The following TWSG1 variants were observed in gnomAD, a reference collection of about 807,000 sequenced individuals.
TWSG1 encodes twisted gastrulation protein homolog 1.
TWSG1 carries 15 observed loss-of-function variants against 23.0 expected under a neutral mutation model. That is an observed-to-expected ratio of 0.65 (90% CI 0.44 to 1.00). The LOEUF is 1.00. TWSG1 is among the 50% of genes least tolerant of loss of function. The probability of loss-of-function intolerance (pLI) is 0.00; values close to 1 mark genes in which losing one functional copy is unlikely to be tolerated. For synonymous variants in TWSG1, 86 were observed against 92.8 expected, an observed-to-expected ratio of 0.93 and a Z score of 0.42; for missense variants, 242 against 278.7, an observed-to-expected ratio of 0.87 and a Z score of 0.94.
chr18:9,366,001 G>A (rs911027774), intron 3 of TWSG1, among the ~76,000 whole-genome samples: 1 of 152,034 alleles, frequency 6.6e-6, no homozygotes, highest in African/African-American at 2.4e-5. Flanking sequence ...TCAAGACCCT[G>A]TTTCAAAAAA....
At chr18:9,336,285 G>C (rs919509022) in intron 1 of TWSG1, among the ~76,000 whole-genome samples, 1 of 151,888 alleles carries the variant, frequency 6.6e-6, no homozygotes, top group Non-Finnish European at 1.5e-5. Context: ...CCAGCTACTC[G>C]GGAGGCTGAG....
At chr18:9,396,827 G>A (rs918470910) in intron 4 of TWSG1, 21 of 493,176 alleles carry the variant, frequency 4.3e-5, no homozygotes, top group East Asian at 1.3e-4. Flanking sequence ...TTGGGAGGCC[G>A]AGGCAGGTGG....
intron 3 of TWSG1, among the ~76,000 whole-genome samples, chr18:9,364,645 T>TTAGCC (rs1165989345): frequency 6.6e-6 from 1 of 151,478 alleles, no homozygotes; most frequent in Non-Finnish European, 1.5e-5. Context: ...AATACAAAAA[T>TTAGCC]TAGCCAGGTG....
intron 2 of TWSG1, among the ~76,000 whole-genome samples, chr18:9,357,045 T>C (rs1011201509): frequency 6.7e-6 from 1 of 149,480 alleles, no homozygotes; most frequent in Admixed American, 6.7e-5. Flanking sequence ...ACTCAGAAAA[T>C]GTTCTTTTAC....
intron 2 of TWSG1, among the ~76,000 whole-genome samples, chr18:9,354,197 A>G (rs2040514669): frequency 6.6e-6 from 1 of 152,264 alleles, no homozygotes; most frequent in African/African-American, 2.4e-5. Context: ...ATGAAGTTGT[A>G]TAAATTTCAT....
intron 3 of TWSG1, among the ~76,000 whole-genome samples, chr18:9,391,865 C>T (rs1186372365): frequency 6.6e-6 from 1 of 152,220 alleles, no homozygotes; most frequent in African/African-American, 2.4e-5. Flanking sequence ...TTCATCAGAG[C>T]TCTTGAGTAA....
intron 3 of TWSG1, among the ~76,000 whole-genome samples, chr18:9,378,743 G>C (rs1417029596): frequency 6.6e-6 from 1 of 151,964 alleles, no homozygotes; most frequent in Non-Finnish European, 1.5e-5. Context: ...AGGCCAAGAT[G>C]GGTGGATCAC....
At chr18:9,338,352 A>G (rs1429643707) in intron 2 of TWSG1, among the ~76,000 whole-genome samples, 1 of 152,214 alleles carries the variant, frequency 6.6e-6, no homozygotes, top group Non-Finnish European at 1.5e-5. Flanking sequence ...TTTGCTGTTC[A>G]GTTTTTAACT....
At chr18:9,395,623 A>G (rs4798805) in intron 3 of TWSG1, among the ~76,000 whole-genome samples, 77,369 of 152,090 alleles carry the variant, frequency 0.51, 20,300 homozygotes, top group African/African-American at 0.63. Context: ...CTAGAGTCCA[A>G]TGGTACAGTG....
intron 2 of TWSG1, among the ~76,000 whole-genome samples, chr18:9,338,320 A>G (rs780798732): frequency 8.5e-5 from 13 of 152,204 alleles, no homozygotes; most frequent in Non-Finnish European, 1.8e-4. Flanking sequence ...TTCAAACCAA[A>G]ACATTTAACT....
chr18:9,357,679 T>C (rs62087469), intron 2 of TWSG1, among the ~76,000 whole-genome samples: 4,447 of 152,344 alleles, frequency 0.029, 74 homozygotes, highest in Non-Finnish European at 0.039. Flanking sequence ...TTTGTTGGAA[T>C]GATTTGAAAG....
chr18:9,396,623 G>T, intron 4 of TWSG1, 77 bp downstream of exon 4: 1 of 1,516,276 alleles, frequency 6.6e-7, no homozygotes, highest in Non-Finnish European at 8.8e-7. Flanking sequence ...ACCTATATAA[G>T]ACCATCTTTT....
rs565544241 is a variant in TWSG1, at chr18:9,389,267, C to T, written c.224-7013C>T. 3.4e-4 allele frequency among the ~76,000 whole-genome samples: 52 copies of T among 152,276 alleles called. 1 individual carries two copies. In the South Asian group the frequency reaches 0.01, roughly 30 times the overall value. The stretch of plus-strand genomic sequence containing the variant: ...CTGAGATTACAGGTGTGAACCACTG[C>T]ACCCGGCCACTAATTTTTATTTATA... On this transcript the variant is annotated intron_variant, in intron 3 of 4. Coordinates refer to ENST00000262120, the MANE Select transcript of TWSG1 (RefSeq NM_020648.6).
chr18:9,383,201 T>G (rs80244759), intron 3 of TWSG1, among the ~76,000 whole-genome samples: 143 of 145,144 alleles, frequency 9.9e-4, no homozygotes, highest in Non-Finnish European at 1.5e-3. Context: ...TTTGTTTTTT[T>G]TTTTTTTTTT....
intron 3 of TWSG1, among the ~76,000 whole-genome samples, chr18:9,374,608 A>G (rs1238581552): frequency 1.3e-5 from 2 of 152,236 alleles, no homozygotes; most frequent in Admixed American, 1.3e-4. Context: ...ATTTAAGGAA[A>G]AAATACTAAG....
chr18:9,396,162 A>AAC, intron 3 of TWSG1, 118 bp from the exon 4 acceptor site: 1 of 869,214 alleles, frequency 1.2e-6, no homozygotes, highest in East Asian at 2.7e-5. Context: ...AAAAAAAAAA[A>AAC]AAAAAAAGGT....
At chr18:9,345,130 G>A (rs2040471134) in intron 2 of TWSG1, among the ~76,000 whole-genome samples, 2 of 152,076 alleles carry the variant, frequency 1.3e-5, no homozygotes, top group Admixed American at 1.3e-4. Flanking sequence ...TATATATTCT[G>A]GGCTCAAGAC....
At chr18:9,394,731 C>G (rs976221116) in intron 3 of TWSG1, among the ~76,000 whole-genome samples, 1 of 152,114 alleles carries the variant, frequency 6.6e-6, no homozygotes, top group African/African-American at 2.4e-5. Flanking sequence ...CTTCATTGCT[C>G]AATACCCTTC....
In TWSG1 at chr18:9,401,533, T is replaced by G. The variant is rs2040762662; in HGVS notation, c.*2006T>G. The stretch of plus-strand genomic sequence containing the variant: ...CCCCTACATTAGGAGGATAATTTCT[T>G]AAACCACATTGTTTTAATTGATTTT... On this transcript the variant is annotated 3_prime_UTR_variant, in exon 5 of 5. Coordinates refer to ENST00000262120, the MANE Select transcript of TWSG1 (RefSeq NM_020648.6). 1 of 152,192 alleles carries G rather than the reference T, an allele frequency of 6.6e-6. No individual in the cohort carries two copies. The highest frequency in any genetic ancestry group is 2.1e-4 in the South Asian group (1 of 4,834). 9.4% of individuals were successfully genotyped at this position (152,192 alleles called of 1,614,324 possible).
Sources: allele counts gnomAD v4.1 joint callset (sites outside exome capture counted in the v4.1 genomes callset), GRCh38; gene constraint gnomAD v4.1.1; transcripts MANE v1.5; gene names NCBI Gene and HGNC (gene_info 2026-07-23, HGNC 2026-07-21).